TBC1D5: variants seen among roughly 807,000 people sequenced by gnomAD.
TBC1D5 encodes the protein TBC1 domain family, member 5.
Under a neutral mutation model 100.3 loss-of-function variants are expected in TBC1D5, and 75 were observed. The observed-to-expected ratio is 0.75, with a 90% CI of 0.62 to 0.91. TBC1D5 has a LOEUF of 0.91. Ranked by LOEUF, TBC1D5 falls within the 40% of genes least tolerant of loss-of-function variation. The pLI is 0.00. For missense variants in TBC1D5, 910 were observed against 942.4 expected (o/e 0.97, Z 0.45); for synonymous variants, 323 against 325.6 (o/e 0.99, Z 0.09).
intron 15 of TBC1D5, among the ~76,000 whole-genome samples, chr3:17,288,918 C>T (rs759645715): frequency 1.1e-4 from 16 of 152,120 alleles, no homozygotes; most frequent in Non-Finnish European, 2.1e-4. Context: ...GAACCAGCCC[C>T]GGAGCCATGA....
intron 2 of TBC1D5, among the ~76,000 whole-genome samples, chr3:17,607,804 T>C (rs1334766073): frequency 6.6e-6 from 1 of 152,202 alleles, no homozygotes. Flanking sequence ...AGAGGTTTTC[T>C]GTTATTAAAA....
intron 13 of TBC1D5, among the ~76,000 whole-genome samples, chr3:17,357,239 G>C (rs1289963956): frequency 6.6e-6 from 1 of 152,156 alleles, no homozygotes; most frequent in Non-Finnish European, 1.5e-5. Flanking sequence ...TGGTGGAGGG[G>C]AGTCAGGACA....
At chr3:17,276,467 C>G (rs1354229865) in intron 15 of TBC1D5, among the ~76,000 whole-genome samples, 2 of 152,176 alleles carry the variant, frequency 1.3e-5, no homozygotes, top group African/African-American at 2.4e-5. Flanking sequence ...CTAGGCCCCA[C>G]TGCAGACTGA....
At chr3:17,470,196 T>TAAA (rs2150110150) in intron 3 of TBC1D5, among the ~76,000 whole-genome samples, 1 of 152,358 alleles carries the variant, frequency 6.6e-6, no homozygotes, top group Admixed American at 6.5e-5. Flanking sequence ...TGACTATTTT[T>TAAA]AGGCTGTCCT....
chr3:17,328,011 G>A (rs2086376664), intron 13 of TBC1D5, among the ~76,000 whole-genome samples: 1 of 152,148 alleles, frequency 6.6e-6, no homozygotes, highest in Non-Finnish European at 1.5e-5. Flanking sequence ...GCTAACACCT[G>A]TAATTCCAGC....
intron 2 of TBC1D5, among the ~76,000 whole-genome samples, chr3:17,621,707 C>CA (rs1232525903): frequency 6.8e-6 from 1 of 147,852 alleles, no homozygotes; most frequent in Non-Finnish European, 1.5e-5. Context: ...TTCTCGCTAA[C>CA]TTTTTTTTTT....
At chr3:17,421,747 CAG>C (rs2094212610) in intron 4 of TBC1D5, among the ~76,000 whole-genome samples, 1 of 152,132 alleles carries the variant, frequency 6.6e-6, no homozygotes, top group Non-Finnish European at 1.5e-5. Context: ...AATTAAGAAT[CAG>C]AGAGGTTAAT....
At chr3:17,619,775 A>C (rs1181311162) in intron 2 of TBC1D5, among the ~76,000 whole-genome samples, 1 of 152,350 alleles carries the variant, frequency 6.6e-6, no homozygotes, top group South Asian at 2.1e-4. Context: ...AACATCAAAA[A>C]ACAGGTAACA....
intron 2 of TBC1D5, among the ~76,000 whole-genome samples, chr3:17,610,427 T>A (rs1453980876): frequency 6.6e-6 from 1 of 152,186 alleles, no homozygotes; most frequent in East Asian, 1.9e-4. Context: ...CCTCAAGCAA[T>A]CTGCCTGCCT....
chr3:17,715,042 T>A (rs1301466682), intron 1 of TBC1D5, among the ~76,000 whole-genome samples: 4 of 152,238 alleles, frequency 2.6e-5, no homozygotes, highest in Non-Finnish European at 5.9e-5. Context: ...CTCTTATGTA[T>A]TATCAGAATT....
At chr3:17,169,234 G>A (rs917997182) in intron 19 of TBC1D5, among the ~76,000 whole-genome samples, 2 of 152,180 alleles carry the variant, frequency 1.3e-5, no homozygotes, top group African/African-American at 2.4e-5. Context: ...TTCTTGCTCA[G>A]AGCTTTATTT....
At chr3:17,318,646 T>TTATA (rs1255802768) in intron 13 of TBC1D5, among the ~76,000 whole-genome samples, 1 of 152,218 alleles carries the variant, frequency 6.6e-6, no homozygotes, top group Admixed American at 6.5e-5. Flanking sequence ...CAAAGACAGA[T>TTATA]TATACAATAT....
At chr3:17,371,552 A>C (rs1230694485) in intron 13 of TBC1D5, among the ~76,000 whole-genome samples, 2 of 152,214 alleles carry the variant, frequency 1.3e-5, no homozygotes, top group Non-Finnish European at 2.9e-5. Context: ...TAAAGGAATA[A>C]TACCCAATTT....
chr3:17,577,884 TG>T (rs2096667375), intron 2 of TBC1D5, among the ~76,000 whole-genome samples: 1 of 152,018 alleles, frequency 6.6e-6, no homozygotes, highest in Non-Finnish European at 1.5e-5. Context: ...AGAAGCCATA[TG>T]TTTTTTCCCA....
chr3:17,645,807 A>G (rs1250717197), intron 1 of TBC1D5, among the ~76,000 whole-genome samples: 1 of 151,928 alleles, frequency 6.6e-6, no homozygotes, highest in African/African-American at 2.4e-5. Flanking sequence ...CCTTGTCACA[A>G]AGCTCTTTCC....
rs185198269 is a variant in TBC1D5, at chr3:17,446,878, G to A, written c.98-18359C>T. Among the ~76,000 whole-genome samples, 159 of 152,166 alleles carry A rather than the reference G, an allele frequency of 1.0e-3. 3 individuals are homozygous for A. The South Asian group carries it at 0.019, about 19-fold the overall frequency. On this transcript the variant is annotated intron_variant, in intron 3 of 21. Transcript: ENST00000253692. ...CCCACCTACTTGGGAGGTTGAGGCA[G>A]GAGAATGGCGTGAACCTGGGAGGCG...
chr3:17,399,615 C>T (rs372383553), intron 8 of TBC1D5, among the ~76,000 whole-genome samples: 130 of 152,216 alleles, frequency 8.5e-4, no homozygotes, highest in African/African-American at 2.7e-3. Context: ...CCCCACTGCA[C>T]AGCAGCCATA....
chr3:17,348,732 C>T (rs1203280095), intron 13 of TBC1D5, among the ~76,000 whole-genome samples: 1 of 152,146 alleles, frequency 6.6e-6, no homozygotes, highest in African/African-American at 2.4e-5. Context: ...ATGACCCATT[C>T]CTACCAGAGA....
chr3:17,482,884 G>A (rs997423979), intron 3 of TBC1D5, among the ~76,000 whole-genome samples: 1 of 152,008 alleles, frequency 6.6e-6, no homozygotes, highest in South Asian at 2.1e-4. Flanking sequence ...CAGAAGACGT[G>A]CAGTTTGTAA....
Sources: allele counts gnomAD v4.1 joint callset (sites outside exome capture counted in the v4.1 genomes callset), GRCh38; gene constraint gnomAD v4.1.1; transcripts MANE v1.5; gene names NCBI Gene and HGNC (gene_info 2026-07-23, HGNC 2026-07-21).